Variants in CAPN5 observed in about 807,000 individuals in gnomAD.
The protein encoded by CAPN5 is calpain-5.
CAPN5 carries 54 observed loss-of-function variants against 73.0 expected under a neutral mutation model. The observed-to-expected ratio is 0.74, with a 90% CI of 0.59 to 0.93. The LOEUF (loss-of-function observed/expected upper bound fraction) is 0.93. Ranked by LOEUF, CAPN5 falls within the 40% of genes least tolerant of loss-of-function variation. The pLI is 0.00. For missense variants in CAPN5, 785 were observed against 882.9 expected, an observed-to-expected ratio of 0.89 and a Z score of 1.41; for synonymous variants, 335 against 356.9, an observed-to-expected ratio of 0.94 and a Z score of 0.69.
chr11:77,071,493 G>A (rs1438909375), intron 1 of CAPN5: 3 of 379,584 alleles, frequency 7.9e-6, no homozygotes, highest in African/African-American at 4.1e-5. Context: ...GGTGGGGCTG[G>A]GGAGTCCCGC....
intron 7 of CAPN5, among the ~76,000 whole-genome samples, chr11:77,116,698 GC>G (rs1555041847): frequency 6.6e-6 from 1 of 152,214 alleles, no homozygotes; most frequent in African/African-American, 2.4e-5. Context: ...GCTATGCCCA[GC>G]CCCTCTCCAG....
chr11:77,088,273 G>A (rs1280232386), intron 2 of CAPN5, among the ~76,000 whole-genome samples: 1 of 152,068 alleles, frequency 6.6e-6, no homozygotes, highest in Non-Finnish European at 1.5e-5. Flanking sequence ...GCCCAGTCCC[G>A]GGGACTCTTG....
chr11:77,112,545 C>G, intron 3 of CAPN5, 44 bp from the exon 4 acceptor site: 1 of 1,472,506 alleles, frequency 6.8e-7, no homozygotes. Context: ...GCCGGACATC[C>G]CCTCACTGTG....
At chr11:77,106,492 A>C (rs1555039904) in intron 3 of CAPN5, among the ~76,000 whole-genome samples, 1 of 152,192 alleles carries the variant, frequency 6.6e-6, no homozygotes, top group African/African-American at 2.4e-5. Context: ...CTGTGCCCAG[A>C]GAGGCAGCTA....
intron 1 of CAPN5, among the ~76,000 whole-genome samples, chr11:77,076,131 G>A (rs1949966426): frequency 6.6e-6 from 1 of 151,632 alleles, no homozygotes; most frequent in Non-Finnish European, 1.5e-5. Flanking sequence ...GGAGGCCAAG[G>A]CAGGCAGATC....
intron 7 of CAPN5, 121 bp downstream of exon 7, chr11:77,116,424 G>A: frequency 3.9e-6 from 3 of 759,936 alleles, no homozygotes; most frequent in Non-Finnish European, 6.9e-6. Flanking sequence ...TCAATTTGCT[G>A]TGTGGCCTTG....
chr11:77,071,235 G>C (rs1455362010), intron 1 of CAPN5, among the ~76,000 whole-genome samples: 1 of 152,212 alleles, frequency 6.6e-6, no homozygotes, highest in Non-Finnish European at 1.5e-5. Flanking sequence ...TGGGAGCCTT[G>C]GAGGCTGGGC....
chr11:77,090,300 C>T (rs1292620899), intron 2 of CAPN5, among the ~76,000 whole-genome samples: 1 of 152,186 alleles, frequency 6.6e-6, no homozygotes, highest in Non-Finnish European at 1.5e-5. Context: ...CGATTGCCCC[C>T]AGGTTCCTGC....
intron 1 of CAPN5, among the ~76,000 whole-genome samples, chr11:77,083,419 A>G (rs1410937150): frequency 6.6e-6 from 1 of 152,100 alleles, no homozygotes; most frequent in African/African-American, 2.4e-5. Flanking sequence ...CCTAAGTGAG[A>G]GCGGCAGGGT....
chr11:77,069,330 T>A (rs1555032662), intron 1 of CAPN5, among the ~76,000 whole-genome samples: 3 of 152,188 alleles, frequency 2.0e-5, no homozygotes, highest in Non-Finnish European at 4.4e-5. Flanking sequence ...TAATAGCAGC[T>A]GGCAATCAGC....
At position 77,112,738 on chromosome 11, in the gene CAPN5, C is replaced by T; in HGVS notation, c.447C>T (p.Tyr149=). 4.3e-6 allele frequency: 7 copies of T among 1,614,284 alleles called. No individual in the cohort carries two copies. Among genetic ancestry groups the T allele is most frequent in the African/African-American group, 1.3e-5 (1 of 75,080 alleles). ...RLPTVNNQLI[Y]CHSNSRNEFW... is the part of the protein sequence containing the mutation. ...CCACAGTCAACAACCAGCTCATCTA[C>T]TGCCACTCCAACTCCCGCAATGAGT... The change falls in exon 4 of 13, where the codon TAC becomes TAT. Residue 149 remains tyrosine (Y), a synonymous_variant. Transcript: ENST00000648180.
In CAPN5 at chr11:77,114,385, G is replaced by T. The variant is rs202032027; in HGVS notation, c.650G>T (p.Arg217Leu). The change falls in exon 5 of 13, where the codon CGC becomes CTC. Residue 217 changes from arginine to leucine, a missense_variant. By Grantham distance (102) the Arg-to-Leu change is moderately radical (BLOSUM62 -2). Transcript: ENST00000648180. ...ACTAAGAGGAACCAGCTCTTTGAGC[G>T]CATGTTAAAGGTGCACAGCCGGGGC... ...DETKRNQLFE[R>L]MLKVHSRGGL... 4 of 1,614,216 alleles carry T rather than the reference G, an allele frequency of 2.5e-6. No individual in the cohort carries two copies. The African/African-American group carries it at 4.0e-5, about 16-fold the overall frequency.
intron 3 of CAPN5, among the ~76,000 whole-genome samples, chr11:77,105,788 C>T (rs1057261427): frequency 2.0e-5 from 3 of 152,240 alleles, no homozygotes; most frequent in East Asian, 1.9e-4. Flanking sequence ...CCCAAGGCCA[C>T]GTGACTTCAG....
intron 1 of CAPN5, among the ~76,000 whole-genome samples, chr11:77,069,871 C>A (rs1949884748): frequency 6.6e-6 from 1 of 152,194 alleles, no homozygotes; most frequent in Non-Finnish European, 1.5e-5. Flanking sequence ...GGCCTTCCTG[C>A]TGCCCACCTC....
chr11:77,098,517 T>C (rs1591129125), intron 3 of CAPN5, among the ~76,000 whole-genome samples: 1 of 80,796 alleles, frequency 1.2e-5, no homozygotes. Context: ...CCCCCCCACC[T>C]CCCTCCCGGA....
chr11:77,117,624 C>T (rs1278063437), intron 7 of CAPN5, among the ~76,000 whole-genome samples: 1 of 152,222 alleles, frequency 6.6e-6, no homozygotes, highest in Non-Finnish European at 1.5e-5. Context: ...AATTCACTGC[C>T]CCCTGCCCCC....
At chr11:77,122,531 G>GCCCCCCCCCCCCCCC in intron 11 of CAPN5, 45 bp from the exon 12 acceptor site, 1 of 1,228,402 alleles carries the variant, frequency 8.1e-7, no homozygotes. Context: ...CCCTGCCACA[G>GCCCCCCCCCCCCCCC]CCCCCACCCC....
chr11:77,111,466 A>G (rs1448249202), intron 3 of CAPN5, among the ~76,000 whole-genome samples: 1 of 152,172 alleles, frequency 6.6e-6, no homozygotes, highest in African/African-American at 2.4e-5. Flanking sequence ...AGGGCTGGAT[A>G]ATAGTCATCT....
chr11:77,094,805 C>T (rs545125472), intron 3 of CAPN5, among the ~76,000 whole-genome samples: 23 of 152,348 alleles, frequency 1.5e-4, no homozygotes, highest in African/African-American at 5.0e-4. Flanking sequence ...ATGCCTTGTG[C>T]GGCATCGTGC....
Sources: allele counts gnomAD v4.1 joint callset (sites outside exome capture counted in the v4.1 genomes callset), GRCh38; gene constraint gnomAD v4.1.1; transcripts MANE v1.5; gene names NCBI Gene and HGNC (gene_info 2026-07-23, HGNC 2026-07-21).